Variants in CSMD3 observed in about 807,000 individuals in gnomAD.
CSMD3 encodes CUB and Sushi multiple domains 3, also known as CUB and sushi domain-containing protein 3.
CSMD3 carries 177 observed loss-of-function variants against 435.2 expected under a neutral mutation model. The ratio of observed to expected loss-of-function variants is 0.41; its 90% CI spans 0.36 to 0.46. The LOEUF (loss-of-function observed/expected upper bound fraction) is 0.46, where lower values mean the gene tolerates loss of function less well. Ranked by LOEUF, CSMD3 falls within the 20% of genes least tolerant of loss-of-function variation. CSMD3 has a pLI of 0.34. For synonymous variants in CSMD3, 1,656 were observed against 1,520.5 expected (o/e 1.09, Z -2.07); for missense variants, 4,265 against 4,504.6 (o/e 0.95, Z 1.52).
chr8:113,242,692 C>A (rs543133742), intron 3 of CSMD3, among the ~76,000 whole-genome samples: 5 of 152,032 alleles, frequency 3.3e-5, no homozygotes, highest in African/African-American at 1.2e-4. Flanking sequence ...AAATGCACTT[C>A]AAGTATGCAA....
At chr8:112,829,297 C>T (rs773916306) in intron 12 of CSMD3, among the ~76,000 whole-genome samples, 1 of 152,042 alleles carries the variant, frequency 6.6e-6, no homozygotes, top group Non-Finnish European at 1.5e-5. Context: ...AAATGTGCAC[C>T]AGGTATTTGT....
At chr8:112,548,359 A>G (rs1239932334) in intron 27 of CSMD3, among the ~76,000 whole-genome samples, 1 of 152,150 alleles carries the variant, frequency 6.6e-6, no homozygotes, top group East Asian at 1.9e-4. Flanking sequence ...ATTGCAGCTA[A>G]TAATATATAA....
intron 22 of CSMD3, among the ~76,000 whole-genome samples, chr8:112,607,452 G>C (rs967100255): frequency 6.6e-6 from 1 of 151,990 alleles, no homozygotes; most frequent in African/African-American, 2.4e-5. Flanking sequence ...CCAAAGAACT[G>C]AAGAGGAGAG....
intron 27 of CSMD3, among the ~76,000 whole-genome samples, chr8:112,539,789 A>G (rs1345522305): frequency 6.6e-6 from 1 of 152,138 alleles, no homozygotes; most frequent in Non-Finnish European, 1.5e-5. Flanking sequence ...TCCTTAATCT[A>G]TGAAACTACC....
At chr8:113,329,408 A>T (rs2094010318) in intron 1 of CSMD3, among the ~76,000 whole-genome samples, 1 of 152,152 alleles carries the variant, frequency 6.6e-6, no homozygotes, top group Admixed American at 6.5e-5. Context: ...AAGAAGAATC[A>T]GTAAACTTGA....
chr8:112,595,146 T>C (rs997406917), intron 22 of CSMD3, among the ~76,000 whole-genome samples: 15 of 147,554 alleles, frequency 1.0e-4, no homozygotes, highest in Non-Finnish European at 1.8e-4. Context: ...ATAACTAGAA[T>C]AACCAATACA....
chr8:112,653,848 T>TG (rs2075191681), intron 18 of CSMD3, among the ~76,000 whole-genome samples: 1 of 151,792 alleles, frequency 6.6e-6, no homozygotes, highest in African/African-American at 2.4e-5. Flanking sequence ...TTAGTAGAGA[T>TG]GGGGTTTCAC....
intron 30 of CSMD3, among the ~76,000 whole-genome samples, chr8:112,495,624 A>C (rs969524213): frequency 6.6e-6 from 1 of 152,172 alleles, no homozygotes; most frequent in Non-Finnish European, 1.5e-5. Context: ...TTACACCTGG[A>C]AATTTTGAAA....
Position 112,717,394 on chromosome 8 carries a change from C to T in CSMD3, c.1973-27344G>A, listed in dbSNP as rs540193802. 1.2e-4 allele frequency among the ~76,000 whole-genome samples: 18 copies of T among 151,992 alleles called. No homozygotes were observed. The East Asian group carries it at 2.3e-3, about 20-fold the overall frequency. On this transcript the variant is annotated intron_variant, in intron 13 of 70. Transcript: ENST00000297405. ...TACTATCTCTTGCCAGTCAGAATGGCGATTATTAAAAAGAAACAACAATGC... is the reference window on the plus strand; with the variant it reads ...TACTATCTCTTGCCAGTCAGAATGGTGATTATTAAAAAGAAACAACAATGC...
intron 18 of CSMD3, among the ~76,000 whole-genome samples, chr8:112,651,631 G>A (rs577111312): frequency 9.9e-5 from 15 of 151,186 alleles, no homozygotes; most frequent in Non-Finnish European, 1.9e-4. Context: ...TTCACCTGCC[G>A]GGTTCAAGCA....
At position 112,921,607 on chromosome 8, in the gene CSMD3, G is replaced by T. The variant is rs750489439; in HGVS notation, c.1633+20C>A. On this transcript the variant is annotated intron_variant, in intron 10 of 70. Coordinates refer to ENST00000297405, the MANE Select transcript of CSMD3 (RefSeq NM_198123.2). ...TAAACTATTAAAATGTGTTCAGAGG[G>T]CATTATTATAAAACATTACCTTTAC... 2 of 1,598,042 alleles carry T rather than the reference G, an allele frequency of 1.3e-6. No individual in the cohort carries two copies. The highest frequency in any genetic ancestry group is 1.7e-6 in the Non-Finnish European group (2 of 1,165,928).
At chr8:113,348,860 T>G (rs1346843430) in intron 1 of CSMD3, among the ~76,000 whole-genome samples, 1 of 152,126 alleles carries the variant, frequency 6.6e-6, no homozygotes. Context: ...GTATTCATTT[T>G]AGACCTTTAC....
At chr8:112,543,570 T>C (rs1826877560) in intron 27 of CSMD3, among the ~76,000 whole-genome samples, 1 of 152,050 alleles carries the variant, frequency 6.6e-6, no homozygotes, top group Non-Finnish European at 1.5e-5. Context: ...TTATTATTTA[T>C]TAAAAAAAGG....
chr8:112,600,133 G>GA (rs1385652335), intron 22 of CSMD3, among the ~76,000 whole-genome samples: 2 of 151,724 alleles, frequency 1.3e-5, no homozygotes, highest in Non-Finnish European at 2.9e-5. Flanking sequence ...GAAGTCACTT[G>GA]AAAAAAATCT....
chr8:113,210,694 A>G (rs990703803), intron 3 of CSMD3, among the ~76,000 whole-genome samples: 2 of 152,004 alleles, frequency 1.3e-5, no homozygotes, highest in Non-Finnish European at 2.9e-5. Context: ...CCTGGCCAAC[A>G]TGGTGAAACC....
intron 5 of CSMD3, among the ~76,000 whole-genome samples, chr8:113,048,269 A>G (rs1010392272): frequency 6.6e-6 from 1 of 151,766 alleles, no homozygotes; most frequent in Non-Finnish European, 1.5e-5. Flanking sequence ...ATTTGTTTGT[A>G]TTTTTAGTAG....
At chr8:113,221,209 T>C (rs1277160554) in intron 3 of CSMD3, among the ~76,000 whole-genome samples, 1 of 151,258 alleles carries the variant, frequency 6.6e-6, no homozygotes, top group Non-Finnish European at 1.5e-5. Context: ...TGTATTGATA[T>C]TAAATCCACT....
intron 33 of CSMD3, 136 bp from the exon 34 acceptor site, chr8:112,408,549 A>G: frequency 2.8e-6 from 2 of 707,620 alleles, no homozygotes; most frequent in African/African-American, 1.8e-5. Context: ...ATATCCTACA[A>G]CTACCAATAT....
chr8:112,496,216 G>C (rs750221678), intron 30 of CSMD3, among the ~76,000 whole-genome samples: 2 of 152,046 alleles, frequency 1.3e-5, no homozygotes, highest in Admixed American at 6.6e-5. Context: ...TGATCCACCC[G>C]CCTCGGCCTC....
Sources: gnomAD v4.1 joint callset for allele counts (sites outside exome capture counted in the v4.1 genomes callset) on GRCh38, gnomAD v4.1.1 for gene constraint, MANE v1.5 for transcripts, NCBI Gene and HGNC (gene_info 2026-07-23, HGNC 2026-07-21) for gene names.